Variants in GRAMD1C observed in about 807,000 individuals in gnomAD.
GRAMD1C encodes the protein protein Aster-C.
A neutral mutation model predicts 97.8 loss-of-function variants in GRAMD1C; 89 were observed. The ratio of observed to expected loss-of-function variants is 0.91; its 90% CI spans 0.77 to 1.09. The LOEUF is 1.09. Among genes scored for constraint, GRAMD1C ranks in the 50% least tolerant of loss-of-function variants. The pLI is 0.00. For synonymous variants in GRAMD1C, 256 were observed against 267.0 expected (o/e 0.96, Z 0.40); for missense variants, 740 against 766.4 (o/e 0.97, Z 0.41).
upstream of GRAMD1C, among the ~76,000 whole-genome samples, chr3:113,836,620 C>T (rs1277631138): frequency 1.3e-5 from 2 of 151,478 alleles, no homozygotes; most frequent in Admixed American, 1.3e-4. Context: ...TGCAACATAG[C>T]CACAAGTTAT....
rs1180141157 is a variant in GRAMD1C, at chr3:113,934,761, T to C, written c.1456+226T>C. Reference sequence around the variant, plus strand: ...TATTTTTTTTATTTTTTATTTTTTTTGAGATGGAGTCTTGCTTTGTTGCCT... The same window carrying C: ...TATTTTTTTTATTTTTTATTTTTTTCGAGATGGAGTCTTGCTTTGTTGCCT... On this transcript the variant is annotated intron_variant, in intron 13 of 17. Transcript: ENST00000358160. Among the ~76,000 whole-genome samples, 4 of 152,184 alleles carry C rather than the reference T, an allele frequency of 2.6e-5. No homozygotes were observed. The South Asian group carries it at 8.3e-4, about 31-fold the overall frequency.
At chr3:113,844,785 CA>C (rs1933538812) in intron 2 of GRAMD1C, 136 bp downstream of exon 2, 2 of 602,668 alleles carry the variant, frequency 3.3e-6, no homozygotes, top group South Asian at 4.4e-5. Flanking sequence ...TCCAGAGTCC[CA>C]AAGACATTTC....
At chr3:113,831,821 T>C (rs1423375600) in intron 1 of GRAMD1C, among the ~76,000 whole-genome samples, 2 of 152,164 alleles carry the variant, frequency 1.3e-5, no homozygotes, top group Non-Finnish European at 2.9e-5. Flanking sequence ...AGGTGAGACA[T>C]TGTTCTCATG....
chr3:113,917,914 G>T (rs1056218088), intron 10 of GRAMD1C, among the ~76,000 whole-genome samples: 1 of 132,456 alleles, frequency 7.5e-6, no homozygotes, highest in South Asian at 2.5e-4. Flanking sequence ...GTTGCTCCAG[G>T]CCAGTCTCAA....
At chr3:113,906,888 A>G (rs1368065659) in intron 8 of GRAMD1C, among the ~76,000 whole-genome samples, 1 of 152,212 alleles carries the variant, frequency 6.6e-6, no homozygotes, top group Non-Finnish European at 1.5e-5. Flanking sequence ...GTTTAGATAC[A>G]CAAGTACTTC....
intron 3 of GRAMD1C, among the ~76,000 whole-genome samples, chr3:113,871,807 G>T (rs1270304993): frequency 6.6e-6 from 1 of 150,866 alleles, no homozygotes; most frequent in Non-Finnish European, 1.5e-5. Flanking sequence ...TGGACATGGT[G>T]GCATGCACCT....
chr3:113,850,231 C>T (rs1933835738), intron 2 of GRAMD1C: 7 of 580,616 alleles, frequency 1.2e-5, no homozygotes, highest in Admixed American at 2.1e-5. Flanking sequence ...ATAATACTCT[C>T]CAGTTTTACT....
chr3:113,915,916 G>C lies in GRAMD1C; in HGVS notation c.1090+78G>C, dbSNP rs80325252. 1.2e-3 allele frequency: 1,293 copies of C among 1,098,766 alleles called. 28 individuals carry two copies. The East Asian group carries it at 0.026, about 22-fold the overall frequency. The allele number at this position is 1,098,766 out of a possible 1,614,324, so 68.1% of individuals were successfully genotyped here. On this transcript the variant is annotated intron_variant, in intron 10 of 17. Transcript: ENST00000358160. ...TTAGAATATTGAGCATATATAAACT[G>C]ATTTATGTTGTGAGGAGGAAGAATT...
At chr3:113,939,010 G>T (rs2107380895) in intron 15 of GRAMD1C, 1 of 152,206 alleles carries the variant, frequency 6.6e-6, no homozygotes. Context: ...TATTATCAGT[G>T]TTCTTTTGCA....
chr3:113,926,508 T>C (rs1937234361), intron 10 of GRAMD1C, among the ~76,000 whole-genome samples: 1 of 152,220 alleles, frequency 6.6e-6, no homozygotes, highest in South Asian at 2.1e-4. Context: ...TTCTGAATTC[T>C]ATGTCTGTAA....
intron 11 of GRAMD1C, among the ~76,000 whole-genome samples, chr3:113,932,751 G>A (rs898694578): frequency 2.0e-5 from 3 of 152,158 alleles, no homozygotes; most frequent in African/African-American, 7.2e-5. Context: ...TGTCACTCAG[G>A]CTGGAGTGTA....
intron 6 of GRAMD1C, among the ~76,000 whole-genome samples, chr3:113,887,997 TAAAG>T (rs1359003715): frequency 6.6e-6 from 1 of 152,136 alleles, no homozygotes; most frequent in Non-Finnish European, 1.5e-5. Flanking sequence ...GAATTAATGA[TAAAG>T]AACCTACCAC....
At chr3:113,854,896 G>A (rs1332928058) in intron 2 of GRAMD1C, among the ~76,000 whole-genome samples, 1 of 152,160 alleles carries the variant, frequency 6.6e-6, no homozygotes, top group Non-Finnish European at 1.5e-5. Context: ...ATAGCCCTTT[G>A]ATTATCTAGG....
At chr3:113,834,969 T>C (rs1198673625), upstream of GRAMD1C, among the ~76,000 whole-genome samples, 1 of 151,102 alleles carries the variant, frequency 6.6e-6, no homozygotes, top group African/African-American at 2.4e-5. Context: ...CACTGATATT[T>C]CCTTTTCCAT....
At chr3:113,938,333 G>T (rs1937623535) in intron 15 of GRAMD1C, 190 bp downstream of exon 15, 3 of 404,024 alleles carry the variant, frequency 7.4e-6, no homozygotes, top group Non-Finnish European at 1.3e-5. Context: ...CAGAAGAATT[G>T]TTAAATTTGA....
chr3:113,833,120 CTTTTTTTT>C (rs200062835), intron 1 of GRAMD1C, among the ~76,000 whole-genome samples: 2 of 129,472 alleles, frequency 1.5e-5, no homozygotes, highest in African/African-American at 5.8e-5. Flanking sequence ...TTCTTTCTTT[CTTTTTTTT>C]TTTTTTTGTG....
chr3:113,876,784 TGA>T (rs979070323), intron 5 of GRAMD1C, among the ~76,000 whole-genome samples: 8 of 148,766 alleles, frequency 5.4e-5, no homozygotes, highest in Admixed American at 1.4e-4. Context: ...GGGCCCTGTG[TGA>T]GAGACATTAG....
At chr3:113,877,522 T>G (rs1935092870) in intron 5 of GRAMD1C, among the ~76,000 whole-genome samples, 1 of 152,198 alleles carries the variant, frequency 6.6e-6, no homozygotes, top group African/African-American at 2.4e-5. Context: ...CTTTTAAAGT[T>G]TACAGGTCAG....
At chr3:113,877,678 C>T (rs1434755119) in intron 5 of GRAMD1C, among the ~76,000 whole-genome samples, 2 of 152,154 alleles carry the variant, frequency 1.3e-5, no homozygotes, top group African/African-American at 4.8e-5. Flanking sequence ...ATTTTAACTT[C>T]TACCATTACT....
Sources: gnomAD v4.1 joint callset for allele counts (sites outside exome capture counted in the v4.1 genomes callset) on GRCh38, gnomAD v4.1.1 for gene constraint, MANE v1.5 for transcripts, NCBI Gene and HGNC (gene_info 2026-07-23, HGNC 2026-07-21) for gene names.